NTRK3: variants seen among roughly 807,000 people sequenced by gnomAD.
NTRK3 encodes NT-3 growth factor receptor.
NTRK3 carries 24 observed loss-of-function variants against 91.7 expected under a neutral mutation model. The observed-to-expected ratio is 0.26, with a 90% CI of 0.19 to 0.37. NTRK3 has a LOEUF of 0.37. NTRK3 is among the 10% of genes least tolerant of loss of function. NTRK3 has a pLI of 1.00. For missense variants in NTRK3, 880 were observed against 1,068.9 expected (o/e 0.82, Z 2.46); for synonymous variants, 483 against 404.0 (o/e 1.20, Z -2.34).
At position 88,233,786 on chromosome 15, in the gene NTRK3, C is replaced by A. The variant is rs1387188101; in HGVS notation, c.248+22120G>T. 1.3e-5 allele frequency among the ~76,000 whole-genome samples: 2 copies of A among 150,624 alleles called. No homozygotes were observed. The highest frequency in any genetic ancestry group is 1.3e-4 in the Admixed American group (2 of 15,202). ...ACCTTGCTCCTCCTCCCCTGACATCCAGTGCTCCCCCTCCCTGCCTTGTCC... is the reference window on the plus strand; with the variant it reads ...ACCTTGCTCCTCCTCCCCTGACATCAAGTGCTCCCCCTCCCTGCCTTGTCC... On this transcript the variant is annotated intron_variant, in intron 3 of 18. Transcript: ENST00000394480. This position sits in a 1 kb window ranked among gnomAD's most constrained non-coding sequence, Gnocchi z 4.2.
intron 5 of NTRK3, among the ~76,000 whole-genome samples, chr15:88,148,000 G>A (rs16941328): frequency 0.18 from 27,642 of 152,150 alleles, 2,783 homozygotes; most frequent in African/African-American, 0.25. Context: ...ACACGCCCAC[G>A]GTTATTACTT....
chr15:87,864,503 C>T (rs935151353), exon 19 of NTRK3: 7 of 229,412 alleles, frequency 3.1e-5, no homozygotes, highest in Non-Finnish European at 6.1e-5. Flanking sequence ...CTTAAATAAT[C>T]AGCCTTGTCT....
chr15:88,004,276 C>G (rs1274067384), intron 14 of NTRK3, among the ~76,000 whole-genome samples: 2 of 152,102 alleles, frequency 1.3e-5, no homozygotes, highest in Non-Finnish European at 2.9e-5. Context: ...TGATCCTAAG[C>G]TATTCCAGGT....
chr15:88,138,883 C>A (rs1343152240), intron 6 of NTRK3, among the ~76,000 whole-genome samples: 1 of 152,144 alleles, frequency 6.6e-6, no homozygotes, highest in African/African-American at 2.4e-5. Flanking sequence ...TAGAACTGAG[C>A]CTGGCATATA....
At chr15:88,094,705 G>A (rs1163593708) in intron 13 of NTRK3, among the ~76,000 whole-genome samples, 1 of 152,088 alleles carries the variant, frequency 6.6e-6, no homozygotes, top group Admixed American at 6.5e-5. Flanking sequence ...ATGGCCTGGG[G>A]ACCATCTGAT....
intron 14 of NTRK3, among the ~76,000 whole-genome samples, chr15:87,974,888 G>C (rs1012277377): frequency 3.9e-5 from 6 of 152,134 alleles, no homozygotes; most frequent in Admixed American, 2.6e-4. Context: ...GGGGTTGGAG[G>C]GGGGAGCACC....
At chr15:88,251,932 G>T (rs1429968207) in intron 3 of NTRK3, among the ~76,000 whole-genome samples, 1 of 152,200 alleles carries the variant, frequency 6.6e-6, no homozygotes, top group African/African-American at 2.4e-5. Context: ...CCATGGAGGT[G>T]CAGAGCAGAT....
intron 14 of NTRK3, among the ~76,000 whole-genome samples, chr15:88,028,289 T>C (rs2078218026): frequency 6.6e-6 from 1 of 152,012 alleles, no homozygotes; most frequent in African/African-American, 2.4e-5. Flanking sequence ...TGTCTCTTGT[T>C]CCCCAGTGTT....
intron 13 of NTRK3, among the ~76,000 whole-genome samples, chr15:88,102,691 A>C (rs77646770): frequency 0.01 from 1,538 of 152,316 alleles, 26 homozygotes; most frequent in African/African-American, 0.033. Flanking sequence ...ATTGGCTTGA[A>C]GATTCCCAAA....
chr15:87,953,393 C>T (rs1363234669), intron 14 of NTRK3, among the ~76,000 whole-genome samples: 1 of 152,162 alleles, frequency 6.6e-6, no homozygotes, highest in East Asian at 1.9e-4. Flanking sequence ...GATTCTTTAT[C>T]GTTTTCCTGG....
intron 3 of NTRK3, among the ~76,000 whole-genome samples, chr15:88,208,770 CA>C (rs1240156892): frequency 2.6e-5 from 4 of 152,324 alleles, no homozygotes; most frequent in African/African-American, 9.6e-5. Flanking sequence ...GCTGGCTGCA[CA>C]TCAAAATCAC....
rs2052398586 is a variant in NTRK3, at chr15:88,241,973, G to A, written c.248+13933C>T. Among the ~76,000 whole-genome samples the A allele has an allele frequency of 6.6e-6, 1 of 152,274 alleles. No homozygotes were observed. Among genetic ancestry groups the A allele is most frequent in the East Asian group, 1.9e-4 (1 of 5,176 alleles). On this transcript the variant is annotated intron_variant, in intron 3 of 18. Coordinates refer to ENST00000394480, the Ensembl canonical transcript of NTRK3. This position sits in a 1 kb window ranked among gnomAD's most constrained non-coding sequence, Gnocchi z 4.3. ...AGACCTCAGGGGTCCTGCTCTCCAC[G>A]GCTTTCCCAGCTCTCCCAAGTGGCT...
At position 88,155,509 on chromosome 15, in the gene NTRK3, G is replaced by C. The variant is rs545087599; in HGVS notation, c.396-8106C>G. Among the ~76,000 whole-genome samples the C allele has an allele frequency of 3.7e-4, 57 of 152,320 alleles. No homozygotes were observed. The South Asian group carries it at 5.8e-3, about 16-fold the overall frequency. The stretch of plus-strand genomic sequence containing the variant: ...TGTGTTGTATTACGTCACAAACTTT[G>C]TGTTAATTTGTTACAACAGCAATGA... On this transcript the variant is annotated intron_variant, in intron 5 of 18. Coordinates refer to ENST00000394480, the Ensembl canonical transcript of NTRK3.
intron 13 of NTRK3, among the ~76,000 whole-genome samples, chr15:88,070,564 G>C (rs1383305763): frequency 6.6e-6 from 1 of 151,966 alleles, no homozygotes; most frequent in Non-Finnish European, 1.5e-5. Flanking sequence ...AATTCAAGTG[G>C]CCAAAAATCA....
chr15:87,935,178 G>A (rs1287384300), intron 15 of NTRK3, among the ~76,000 whole-genome samples: 1 of 152,106 alleles, frequency 6.6e-6, no homozygotes, highest in Non-Finnish European at 1.5e-5. Flanking sequence ...AGACAATGGT[G>A]GGCAGAGGAA....
chr15:87,876,284 A>G, exon 19 of NTRK3: 1 of 231,884 alleles, frequency 4.3e-6, no homozygotes, highest in Non-Finnish European at 8.5e-6. Context: ...CATCAAGATT[A>G]CACTTTTTAG....
rs148625522 is a variant in NTRK3 at position 87,941,670 on chromosome 15, T to C, written c.1586-917A>G. On this transcript the variant is annotated intron_variant, in intron 14 of 18. Transcript: ENST00000394480. ...ATGAGATCACAAAAGGAAAGTTCAC[T>C]GTCCATCCAAGAACGAGGGTGTGTG... 2.6e-4 allele frequency among the ~76,000 whole-genome samples: 39 copies of C among 152,344 alleles called. No homozygotes were observed. The East Asian group carries it at 6.9e-3, about 27-fold the overall frequency.
intron 3 of NTRK3, among the ~76,000 whole-genome samples, chr15:88,201,694 A>C (rs2067559): frequency 0.064 from 9,737 of 151,966 alleles, 964 homozygotes; most frequent in African/African-American, 0.21. Context: ...TGTACTTAAA[A>C]CTGTGAGGTG....
intron 13 of NTRK3, among the ~76,000 whole-genome samples, chr15:88,108,461 C>A (rs1224481839): frequency 1.3e-5 from 2 of 152,202 alleles, no homozygotes; most frequent in African/African-American, 4.8e-5. Context: ...GTGCTCCTGA[C>A]AACTCCCACC....
Sources: gnomAD v4.1 joint callset for allele counts (sites outside exome capture counted in the v4.1 genomes callset) on GRCh38, gnomAD v4.1.1 for gene constraint, Gnocchi (gnomAD v3.1) non-coding constraint, MANE v1.5 for transcripts, NCBI Gene and HGNC (gene_info 2026-07-23, HGNC 2026-07-21) for gene names.